The following DLG2 variants were observed in gnomAD, a reference collection of about 807,000 sequenced individuals.
The protein encoded by DLG2 is disks large homolog 2.
A neutral mutation model predicts 132.5 loss-of-function variants in DLG2; 45 were observed. The ratio of observed to expected loss-of-function variants is 0.34; its 90% CI spans 0.27 to 0.44. The LOEUF is 0.44. Among genes scored for constraint, DLG2 ranks in the 20% least tolerant of loss-of-function variants. DLG2 has a pLI of 1.00. For missense variants in DLG2, 1,045 were observed against 1,196.9 expected (o/e 0.87, Z 1.87); for synonymous variants, 424 against 419.6 (o/e 1.01, Z -0.13).
At chr11:85,323,574 T>C (rs1192232444) in intron 3 of DLG2, among the ~76,000 whole-genome samples, 1 of 152,246 alleles carries the variant, frequency 6.6e-6, no homozygotes. Context: ...CTCACTCTAC[T>C]GTGCTATCAA....
chr11:85,611,952 T>C (rs1483067978), intron 2 of DLG2, among the ~76,000 whole-genome samples: 1 of 148,416 alleles, frequency 6.7e-6, no homozygotes, highest in South Asian at 2.1e-4. Flanking sequence ...GACAGAGATA[T>C]AGAGAGAGAG....
chr11:85,496,397 A>T (rs1437525359), intron 3 of DLG2, among the ~76,000 whole-genome samples: 1 of 152,112 alleles, frequency 6.6e-6, no homozygotes, highest in Admixed American at 6.6e-5. Flanking sequence ...TATGCTCACA[A>T]TGTAACAAAG....
chr11:84,335,123 A>G (rs2098477673), intron 7 of DLG2, among the ~76,000 whole-genome samples: 1 of 151,206 alleles, frequency 6.6e-6, no homozygotes, highest in Non-Finnish European at 1.5e-5. Context: ...CTTTACTACA[A>G]AAAAGAATAA....
chr11:83,769,227 A>G, intron 18 of DLG2, among the ~76,000 whole-genome samples: 1 of 152,042 alleles, frequency 6.6e-6, no homozygotes, highest in Non-Finnish European at 1.5e-5. Context: ...ATTTATTTTT[A>G]TTATTTTAAG....
intron 15 of DLG2, among the ~76,000 whole-genome samples, chr11:83,906,255 TCTCACACACACACACACA>T (rs2074861687): frequency 3.1e-5 from 3 of 96,932 alleles, no homozygotes; most frequent in Non-Finnish European, 4.4e-5. Flanking sequence ...TCTCTCTCTC[TCTCACACACACACACACA>T]CACACACACA....
chr11:84,396,510 C>T (rs894407251), intron 7 of DLG2, among the ~76,000 whole-genome samples: 2 of 152,228 alleles, frequency 1.3e-5, no homozygotes, highest in Admixed American at 6.5e-5. Flanking sequence ...AACCCTTCTA[C>T]TCAATTGTGA....
chr11:84,541,078 T>C (rs1035030176), intron 6 of DLG2, among the ~76,000 whole-genome samples: 27 of 151,966 alleles, frequency 1.8e-4, no homozygotes, highest in African/African-American at 6.5e-4. Context: ...CATTAGGAGA[T>C]ATACCTAATG....
At chr11:83,804,470 T>C (rs930647697) in intron 17 of DLG2, among the ~76,000 whole-genome samples, 4 of 151,842 alleles carry the variant, frequency 2.6e-5, no homozygotes, top group Non-Finnish European at 5.9e-5. Context: ...AAGAACATTA[T>C]AATAAAAACT....
In DLG2 at chr11:84,655,305, C is replaced by T. The variant is rs144894690; in HGVS notation, c.358-120574G>A. 2.4e-4 allele frequency among the ~76,000 whole-genome samples: 37 copies of T among 152,224 alleles called. No individual in the cohort carries two copies. The East Asian group carries it at 4.1e-3, about 17-fold the overall frequency. On this transcript the variant is annotated intron_variant, in intron 6 of 27. Coordinates refer to ENST00000376104, the MANE Select transcript of DLG2 (RefSeq NM_001142699.3). ...ATCCAGCTACTCAATTTCTACAGAG[C>T]GGCAAAAGCCTCAAGAGAATGCAAA... is the stretch of plus-strand genomic sequence containing the variant.
chr11:85,103,768 A>T (rs1350542795), intron 6 of DLG2, among the ~76,000 whole-genome samples: 1 of 151,924 alleles, frequency 6.6e-6, no homozygotes, highest in Non-Finnish European at 1.5e-5. Flanking sequence ...TGCCATTACC[A>T]AAAAGTAAAA....
chr11:83,639,664 G>T (rs1054326925), intron 18 of DLG2, among the ~76,000 whole-genome samples: 1 of 151,590 alleles, frequency 6.6e-6, no homozygotes, highest in African/African-American at 2.4e-5. Context: ...GTTAAATGAC[G>T]AGTTAATGGG....
intron 6 of DLG2, among the ~76,000 whole-genome samples, chr11:84,622,841 T>C (rs1262741211): frequency 6.6e-6 from 1 of 152,190 alleles, no homozygotes; most frequent in East Asian, 1.9e-4. Flanking sequence ...GTTCTAGCTC[T>C]GTTTTGCCGG....
chr11:85,012,247 C>T lies in DLG2; in HGVS notation c.357+99414G>A, dbSNP rs1452592478. ...TTATGGATCAGAGTAAGAGATATGGCCGGGCGCAGTGGCTCACGCCTGTAA... is the reference window on the plus strand; with the variant it reads ...TTATGGATCAGAGTAAGAGATATGGTCGGGCGCAGTGGCTCACGCCTGTAA... On this transcript the variant is annotated intron_variant, in intron 6 of 27. Coordinates refer to ENST00000376104, the MANE Select transcript of DLG2 (RefSeq NM_001142699.3). 2.7e-4 allele frequency among the ~76,000 whole-genome samples: 20 copies of T among 73,226 alleles called. 2 individuals carry two copies. Among genetic ancestry groups the T allele is most frequent in the Admixed American group, 6.1e-4 (5 of 8,246 alleles). 48.0% of individuals were successfully genotyped at this position (73,226 alleles called of 152,430 possible). A position where few individuals can be genotyped will look rare whatever the true frequency, so the allele number is the denominator to read the frequency against.
intron 6 of DLG2, among the ~76,000 whole-genome samples, chr11:84,750,695 GT>G (rs2065995101): frequency 6.6e-6 from 1 of 152,090 alleles, no homozygotes; most frequent in Admixed American, 6.6e-5. Context: ...GGATCAAGGT[GT>G]TTAACATAGG....
At chr11:84,843,982 CATAT>C (rs1217113801) in intron 6 of DLG2, among the ~76,000 whole-genome samples, 2 of 148,200 alleles carry the variant, frequency 1.3e-5, no homozygotes, top group African/African-American at 5.0e-5. Context: ...GTAATAGATA[CATAT>C]ATAAAGGTGA....
chr11:84,759,909 G>A (rs1033162063), intron 6 of DLG2, among the ~76,000 whole-genome samples: 14 of 151,894 alleles, frequency 9.2e-5, no homozygotes, highest in African/African-American at 2.7e-4. Flanking sequence ...CTATGGTATC[G>A]GTGGAATTAC....
At chr11:85,587,340 C>A (rs948019577) in intron 3 of DLG2, among the ~76,000 whole-genome samples, 2 of 152,022 alleles carry the variant, frequency 1.3e-5, no homozygotes, top group African/African-American at 4.8e-5. Context: ...TATCTCATTT[C>A]TTAGGTCTAG....
chr11:84,533,905 C>CAAAA (rs558597260), intron 7 of DLG2, among the ~76,000 whole-genome samples: 3,120 of 70,192 alleles, frequency 0.044, 386 homozygotes, highest in South Asian at 0.083. Flanking sequence ...CCAGTTCAGC[C>CAAAA]AAAAAAAAAA....
chr11:83,676,934 A>G (rs2077811755), intron 18 of DLG2, among the ~76,000 whole-genome samples: 1 of 152,198 alleles, frequency 6.6e-6, no homozygotes, highest in African/African-American at 2.4e-5. Flanking sequence ...TGCTTAATAA[A>G]TAACTAATAA....
Sources: allele counts gnomAD v4.1 joint callset (sites outside exome capture counted in the v4.1 genomes callset), GRCh38; gene constraint gnomAD v4.1.1; transcripts MANE v1.5; gene names NCBI Gene and HGNC (gene_info 2026-07-23, HGNC 2026-07-21).